The following NBPF15 variants were observed in gnomAD, a reference collection of about 807,000 sequenced individuals.
The protein encoded by NBPF15 is NBPF member 15.
In NBPF15, 74 loss-of-function variants were observed where a neutral mutation model predicts 62.2. That is an observed-to-expected ratio of 1.19 (90% CI 0.99 to 1.44). NBPF15 has a LOEUF of 1.44. Among genes scored for constraint, NBPF15 ranks in the 40% most tolerant of loss-of-function variants. NBPF15 has a pLI of 0.00. For missense variants in NBPF15, 790 were observed against 550.0 expected (o/e 1.44, Z -4.36); for synonymous variants, 244 against 209.7 (o/e 1.16, Z -1.41).
chr1:144,434,859 T>C (rs1166510072), intron 12 of NBPF15, among the ~76,000 whole-genome samples: 3 of 152,084 alleles, frequency 2.0e-5, no homozygotes, highest in South Asian at 4.2e-4. Flanking sequence ...CTGACAGATA[T>C]GGCCTGTGCA....
chr1:144,432,103 C>A (rs1297676606), intron 13 of NBPF15, among the ~76,000 whole-genome samples: 2 of 152,008 alleles, frequency 1.3e-5, no homozygotes, highest in Non-Finnish European at 2.9e-5. Flanking sequence ...GTTTACAGTC[C>A]CACCAACAGT....
At position 144,425,569 on chromosome 1, in the gene NBPF15, C is replaced by T. The variant is rs1330139573; in HGVS notation, c.1439-1G>A. 1.7e-6 allele frequency: 1 copy of T among 578,666 alleles called. No individual in the cohort carries two copies. Among genetic ancestry groups the T allele is most frequent in the Non-Finnish European group, 3.0e-6 (1 of 328,890 alleles). 35.8% of individuals were successfully genotyped at this position (578,666 alleles called of 1,614,324 possible). A position where few individuals can be genotyped will look rare whatever the true frequency, so the allele number is the denominator to read the frequency against. ...TCCTCTTCTTGGTCCTTTTTAATTCCTGCAATACATTCAGACAGGGACAGA... is the reference window on the plus strand; with the variant it reads ...TCCTCTTCTTGGTCCTTTTTAATTCTTGCAATACATTCAGACAGGGACAGA... On this transcript the variant is annotated splice_acceptor_variant, in intron 18 of 21. Coordinates refer to ENST00000581897, the MANE Select transcript of NBPF15 (RefSeq NM_001385408.1). LOFTEE classifies it high-confidence loss of function.
intron 4 of NBPF15, among the ~76,000 whole-genome samples, chr1:144,451,072 A>T (rs1690798152): frequency 2.6e-5 from 4 of 152,128 alleles, no homozygotes; most frequent in Admixed American, 2.6e-4. Context: ...CTTAGTATTT[A>T]TTGATCATTA....
intron 7 of NBPF15, 51 bp downstream of exon 7, chr1:144,440,090 A>G (rs1681677343): frequency 1.3e-6 from 2 of 1,577,612 alleles, no homozygotes; most frequent in Non-Finnish European, 1.7e-6. Flanking sequence ...GTGAAATCAA[A>G]TAGGTTTAAT....
chr1:144,425,115 CACAGAG>C (rs1668794339), intron 19 of NBPF15, among the ~76,000 whole-genome samples: 1 of 147,400 alleles, frequency 6.8e-6, no homozygotes, highest in Non-Finnish European at 1.5e-5. Flanking sequence ...GACACACACA[CACAGAG>C]AGAGAGAACG....
At chr1:144,423,351 A>G in intron 21 of NBPF15, 95 bp from the exon 22 acceptor site, 1 of 1,606,374 alleles carries the variant, frequency 6.2e-7, no homozygotes, top group South Asian at 1.1e-5. Context: ...AAGTGGTTAG[A>G]AAAGAAAAAG....
In NBPF15 at chr1:144,439,897, C is replaced by A. The variant is rs1571137353; in HGVS notation, c.107G>T (p.Arg36Ile). 1.2e-6 allele frequency: 2 copies of A among 1,611,476 alleles called. No homozygotes were observed. The highest frequency in any genetic ancestry group is 1.3e-5 in the African/African-American group (1 of 74,914). Residue 36 changes from arginine to isoleucine, a missense_variant, in exon 8 of 22, where the codon AGA becomes ATA. Physicochemically the swap from Arg to Ile is moderately conservative, Grantham distance 97. Coordinates refer to ENST00000581897, the MANE Select transcript of NBPF15 (RefSeq NM_001385408.1). Reference protein sequence around the residue: ...PQLAEKKQQFRNLKEKCFLTQ... With the variant: ...PQLAEKKQQFINLKEKCFLTQ... ...TAGAAAACATTTCTCTTTGAGGTTT[C>A]TGAACTGCTGTTTCTTCTCTGCCAA...
intron 6 of NBPF15, among the ~76,000 whole-genome samples, chr1:144,446,455 T>C (rs587718151): frequency 6.6e-6 from 1 of 152,312 alleles, no homozygotes; most frequent in Non-Finnish European, 1.5e-5. Context: ...TCTAGTATAA[T>C]GCTGAATTAA....
chr1:144,437,935 G>T lies in NBPF15; in HGVS notation c.278+10C>A, dbSNP rs1187695781. ...CTGCCCCCCTGCCTGCCCCCATGGG[G>T]TCCCCTCACCTGAGCTCCTCAGCTT... On this transcript the variant is annotated intron_variant, in intron 9 of 21. Coordinates refer to ENST00000581897, the MANE Select transcript of NBPF15 (RefSeq NM_001385408.1). 4.3e-6 allele frequency: 7 copies of T among 1,611,486 alleles called. No individual in the cohort carries two copies. Among genetic ancestry groups the T allele is most frequent in the South Asian group, 2.2e-5 (2 of 90,936 alleles).
intron 6 of NBPF15, among the ~76,000 whole-genome samples, chr1:144,441,615 AAGG>A (rs1443084064): frequency 6.7e-6 from 1 of 149,200 alleles, no homozygotes; most frequent in Non-Finnish European, 1.5e-5. Context: ...ACAACATAAT[AAGG>A]AGAAGCTTTT....
chr1:144,453,350 T>C (rs1414106333), intron 4 of NBPF15, among the ~76,000 whole-genome samples: 1 of 151,794 alleles, frequency 6.6e-6, no homozygotes, highest in African/African-American at 2.4e-5. Flanking sequence ...TACACGTAAA[T>C]GTAAGGTGCA....
rs1553538754 is a variant in NBPF15, at chr1:144,423,849, T to C, written c.1769+21A>G. 3.5e-5 allele frequency: 27 copies of C among 763,606 alleles called. 1 individual carries two copies. The highest frequency in any genetic ancestry group is 3.6e-4 in the Middle Eastern group (1 of 2,808). The allele number at this position is 763,606 out of a possible 1,614,324, so 47.3% of individuals were successfully genotyped here. On this transcript the variant is annotated intron_variant, in intron 21 of 21. Transcript: ENST00000581897. ...CCAGGTGTTAACACAGAATTAAGCA[T>C]CCACAATTGCTGAAAGTTACCTGGG...
intron 2 of NBPF15, among the ~76,000 whole-genome samples, chr1:144,460,024 TA>T (rs1651428036): frequency 2.4e-5 from 3 of 122,860 alleles, no homozygotes; most frequent in Non-Finnish European, 5.1e-5. Flanking sequence ...TCATTACCTG[TA>T]CTTTTTTTTT....
intron 15 of NBPF15, 143 bp from the exon 16 acceptor site, chr1:144,428,133 A>G: frequency 1.5e-6 from 1 of 671,682 alleles, no homozygotes; most frequent in Non-Finnish European, 2.7e-6. Context: ...TATTGCCTTT[A>G]TGTTGGGATA....
chr1:144,445,535 T>C (rs1686882923), intron 6 of NBPF15, among the ~76,000 whole-genome samples: 1 of 149,444 alleles, frequency 6.7e-6, no homozygotes. Context: ...AGCTGTAGAG[T>C]AATTCTGGAA....
At chr1:144,451,894 G>A (rs1166793818) in intron 4 of NBPF15, among the ~76,000 whole-genome samples, 1 of 151,798 alleles carries the variant, frequency 6.6e-6, no homozygotes, top group Admixed American at 6.6e-5. Context: ...GCTCATGTCT[G>A]TAATCCTAGC....
At chr1:144,455,579 A>G (rs1455664310) in intron 4 of NBPF15, among the ~76,000 whole-genome samples, 3 of 151,892 alleles carry the variant, frequency 2.0e-5, no homozygotes, top group African/African-American at 7.3e-5. Flanking sequence ...CCAGGCCGCA[A>G]CCTTCCCTGC....
chr1:144,445,376 C>T (rs1341581702), intron 6 of NBPF15, among the ~76,000 whole-genome samples: 1 of 141,776 alleles, frequency 7.1e-6, no homozygotes, highest in African/African-American at 2.6e-5. Flanking sequence ...CACACACACA[C>T]ACACACGTTT....
intron 1 of NBPF15, 136 bp from the exon 2 acceptor site, chr1:144,461,097 AG>A (rs1423840424): frequency 6.6e-6 from 1 of 151,332 alleles, no homozygotes; most frequent in Non-Finnish European, 1.5e-5. Flanking sequence ...GTGCGGGGTC[AG>A]GGTCCTCCAC....
Sources: allele counts gnomAD v4.1 joint callset (sites outside exome capture counted in the v4.1 genomes callset), GRCh38; gene constraint gnomAD v4.1.1; transcripts MANE v1.5; gene names NCBI Gene and HGNC (gene_info 2026-07-23, HGNC 2026-07-21).